The following S100A2 variants were observed in gnomAD, a reference collection of about 807,000 sequenced individuals.
S100A2 encodes protein S100-A2.
Under a neutral mutation model 4.3 loss-of-function variants are expected in S100A2, and 5 were observed. The observed-to-expected ratio is 1.16, with a 90% CI of 0.61 to 2.44. The LOEUF (loss-of-function observed/expected upper bound fraction) is 2.44. Among genes scored for constraint, S100A2 ranks in the 30% most tolerant of loss-of-function variants. The probability of loss-of-function intolerance (pLI) is 0.01; values close to 1 mark genes in which losing one functional copy is unlikely to be tolerated. For synonymous variants in S100A2, 44 were observed against 46.0 expected (o/e 0.96, Z 0.17); for missense variants, 103 against 114.7 (o/e 0.90, Z 0.47).
chr1:153,561,240 G>A lies in S100A2; in HGVS notation c.*199C>T, dbSNP rs1350640642. ...GCTCTGGCCTTGGAGAGATTTCCAG[G>A]AGAGTCAGAGCCCAGAAGGGAGCAG... On this transcript the variant is annotated 3_prime_UTR_variant, in exon 3 of 3. Coordinates refer to ENST00000368708, the MANE Select transcript of S100A2 (RefSeq NM_005978.4). 3 of 546,436 alleles carry A rather than the reference G, an allele frequency of 5.5e-6. No individual in the cohort carries two copies. Among genetic ancestry groups the A allele is most frequent in the Non-Finnish European group, 9.3e-6 (3 of 322,652 alleles). 33.8% of individuals were successfully genotyped at this position (546,436 alleles called of 1,614,324 possible). A position where few individuals can be genotyped will look rare whatever the true frequency, so the allele number is the denominator to read the frequency against.
chr1:153,563,358 G>A (rs1223781709), intron 2 of S100A2: 6 of 1,511,812 alleles, frequency 4.0e-6, no homozygotes, highest in Non-Finnish European at 5.3e-6. Context: ...GGCAACAAGA[G>A]GGAAACTCCA....
At chr1:153,562,309 T>C (rs1388574632) in intron 2 of S100A2, among the ~76,000 whole-genome samples, 1 of 151,558 alleles carries the variant, frequency 6.6e-6, no homozygotes, top group Non-Finnish European at 1.5e-5. Context: ...CCTGGCCAAT[T>C]TTTATTTTTA....
chr1:153,565,178 G>C (rs188085716), intron 1 of S100A2, among the ~76,000 whole-genome samples: 2 of 152,080 alleles, frequency 1.3e-5, no homozygotes, highest in East Asian at 1.9e-4. Context: ...CGGGCATGGT[G>C]GTGGGCGCCT....
intron 1 of S100A2, chr1:153,564,315 TA>T (rs1009195534): frequency 6.4e-6 from 1 of 155,904 alleles, no homozygotes; most frequent in Non-Finnish European, 1.4e-5. Flanking sequence ...GGCTACAGCC[TA>T]GGAGCAGGAA....
At chr1:153,563,981 C>T (rs1665954395) in intron 1 of S100A2, 94 bp from the exon 2 acceptor site, 2 of 1,259,892 alleles carry the variant, frequency 1.6e-6, no homozygotes, top group East Asian at 2.4e-5. Flanking sequence ...CCCCAAGCCA[C>T]CTCACAAAAC....
At chr1:153,565,104 G>A (rs560964061) in intron 1 of S100A2, among the ~76,000 whole-genome samples, 1 of 151,824 alleles carries the variant, frequency 6.6e-6, no homozygotes, top group South Asian at 2.1e-4. Flanking sequence ...GAGATCAGGA[G>A]ATCGAGACCA....
intron 1 of S100A2, chr1:153,564,242 G>T: frequency 5.3e-6 from 1 of 188,884 alleles, no homozygotes; most frequent in Middle Eastern, 2.1e-3. Context: ...GCAGGCTCTG[G>T]GGAGCAGGGC....
chr1:153,561,310 G>A lies in S100A2; in HGVS notation c.*129C>T, dbSNP rs896928055. 44 of 1,182,704 alleles carry A rather than the reference G, an allele frequency of 3.7e-5. No individual in the cohort carries two copies. Among genetic ancestry groups the A allele is most frequent in the East Asian group, 1.7e-4 (7 of 41,322 alleles). The allele number at this position is 1,182,704 out of a possible 1,614,324, so 73.3% of individuals were successfully genotyped here. On this transcript the variant is annotated 3_prime_UTR_variant, in exon 3 of 3. Transcript: ENST00000368708. Reference sequence around the variant, plus strand: ...TCCCAGCACTCCAGCTGAGCCAGCCGGGTTATGGAACATCACTGAGCAATT... The same window carrying A: ...TCCCAGCACTCCAGCTGAGCCAGCCAGGTTATGGAACATCACTGAGCAATT...
At position 153,563,689 on chromosome 1, in the gene S100A2, C is replaced by T. The variant is rs780417334; in HGVS notation, c.144+45G>A. 2.5e-6 allele frequency: 4 copies of T among 1,598,736 alleles called. No individual in the cohort carries two copies. The African/African-American group carries it at 5.4e-5, about 21-fold the overall frequency. On this transcript the variant is annotated intron_variant, in intron 2 of 2. Coordinates refer to ENST00000368708, the MANE Select transcript of S100A2 (RefSeq NM_005978.4). ...CTGGGGGAGAGATTTAACCTGCACC[C>T]CCACACTCACACCAGGACCTCCCCC... is the stretch of plus-strand genomic sequence containing the variant.
intron 2 of S100A2, chr1:153,563,303 C>T: frequency 9.3e-7 from 1 of 1,080,516 alleles, no homozygotes; most frequent in Non-Finnish European, 1.3e-6. Flanking sequence ...CCCCTGGAGG[C>T]AGAGGTTGCA....
intron 2 of S100A2, among the ~76,000 whole-genome samples, chr1:153,562,252 C>T (rs1665910084): frequency 6.6e-6 from 1 of 152,190 alleles, no homozygotes; most frequent in Non-Finnish European, 1.5e-5. Context: ...CTCCTGGGCT[C>T]AAGCAATCCA....
Position 153,561,287 on chromosome 1 carries a change from C to A in S100A2, c.*152G>T. ...GCAGGATCCAGGAGGCCCTCATCTC[C>A]CAGCACTCCAGCTGAGCCAGCCGGG... On this transcript the variant is annotated 3_prime_UTR_variant, in exon 3 of 3. Coordinates refer to ENST00000368708, the MANE Select transcript of S100A2 (RefSeq NM_005978.4). The A allele has an allele frequency of 1.1e-6, 1 of 907,042 alleles. No individual in the cohort carries two copies. The highest frequency in any genetic ancestry group is 1.7e-6 in the Non-Finnish European group (1 of 597,608). The allele number at this position is 907,042 out of a possible 1,614,324, so 56.2% of individuals were successfully genotyped here.
Position 153,561,349 on chromosome 1 carries a change from C to A in S100A2, c.*90G>T. On this transcript the variant is annotated 3_prime_UTR_variant, in exon 3 of 3. Coordinates refer to ENST00000368708, the MANE Select transcript of S100A2 (RefSeq NM_005978.4). The stretch of plus-strand genomic sequence containing the variant: ...CACTGAGCAATTAAAATATTATCAA[C>A]AGACAAAAAAAGTTTATTGAATACA... 1 of 1,466,528 alleles carries A rather than the reference C, an allele frequency of 6.8e-7. No individual in the cohort carries two copies. Among genetic ancestry groups the A allele is most frequent in the Admixed American group, 2.1e-5 (1 of 47,814 alleles). The allele number at this position is 1,466,528 out of a possible 1,614,324, so 90.8% of individuals were successfully genotyped here. A position where few individuals can be genotyped will look rare whatever the true frequency, so the allele number is the denominator to read the frequency against.
chr1:153,561,878 C>T (rs1056899861), intron 2 of S100A2, among the ~76,000 whole-genome samples: 3 of 152,204 alleles, frequency 2.0e-5, no homozygotes, highest in African/African-American at 7.2e-5. Flanking sequence ...AGGAGCCCAG[C>T]GAGGTAGGTA....
chr1:153,561,596 A>G lies in S100A2; in HGVS notation c.145-5T>C, dbSNP rs905533595. ...CCCCTCCTCATCCACTTTCTCCTGA[A>G]AGTGACAGGAAATACACTCATCACC... On this transcript the variant is annotated splice_polypyrimidine_tract_variant and splice_region_variant and intron_variant, in intron 2 of 2. Coordinates refer to ENST00000368708, the MANE Select transcript of S100A2 (RefSeq NM_005978.4). 6.2e-7 allele frequency: 1 copy of G among 1,614,096 alleles called. No individual in the cohort carries two copies. Among genetic ancestry groups the G allele is most frequent in the Admixed American group, 1.7e-5 (1 of 60,018 alleles).
chr1:153,561,524 A>T lies in S100A2; in HGVS notation c.212T>A (p.Val71Glu). ...GSLDENSDQQ[V>E]DFQEYAVFLA... is the part of the protein sequence containing the mutation. ...GAAAACAGCATACTCCTGGAAGTCC[A>T]CCTGCTGGTCACTGTTCTCATCCAG... is the stretch of plus-strand genomic sequence containing the variant. Residue 71 changes from valine (V) to glutamate (E), a missense_variant, in exon 3 of 3, where the codon GTG becomes GAG. Val to Glu is a moderately radical substitution (Grantham distance 121). Transcript: ENST00000368708. 5.0e-6 allele frequency: 8 copies of T among 1,614,170 alleles called. No individual in the cohort carries two copies. Among genetic ancestry groups the T allele is most frequent in the Non-Finnish European group, 6.8e-6 (8 of 1,180,034 alleles).
At chr1:153,562,059 T>C (rs1665906456) in intron 2 of S100A2, among the ~76,000 whole-genome samples, 1 of 152,028 alleles carries the variant, frequency 6.6e-6, no homozygotes, top group African/African-American at 2.4e-5. Context: ...CCTCCTGGGC[T>C]CCAGCAATCC....
chr1:153,563,611 G>A lies in S100A2; in HGVS notation c.144+123C>T, dbSNP rs11488675. The A allele has an allele frequency of 2.1e-3, 3,218 of 1,564,564 alleles. 54 individuals carry two copies. The African/African-American group carries it at 0.04, about 20-fold the overall frequency. ...ACTCCAGTGGAGCCATGAAGCTAAA[G>A]TGGGGAGGGGGCTGGGCCCCACCCT... On this transcript the variant is annotated intron_variant, in intron 2 of 2. Coordinates refer to ENST00000368708, the MANE Select transcript of S100A2 (RefSeq NM_005978.4).
rs1429286875 is a variant in S100A2, at chr1:153,561,144, AG to A, written c.*294del. ...TAATATCTTTATTTGACAAAATAAA[AG>A]TCAGCAACCTATCTCGATTTCCAAT... On this transcript the variant is annotated 3_prime_UTR_variant, in exon 3 of 3. Coordinates refer to ENST00000368708, the MANE Select transcript of S100A2 (RefSeq NM_005978.4). 27 of 273,940 alleles carry A rather than the reference AG, an allele frequency of 9.9e-5. No homozygotes were observed. Among genetic ancestry groups the A allele is most frequent in the Admixed American group, 1.6e-4 (3 of 19,064 alleles). The allele number at this position is 273,940 out of a possible 1,614,324, so 17.0% of individuals were successfully genotyped here. A position where few individuals can be genotyped will look rare whatever the true frequency, so the allele number is the denominator to read the frequency against.
Sources: gnomAD v4.1 joint callset for allele counts (sites outside exome capture counted in the v4.1 genomes callset) on GRCh38, gnomAD v4.1.1 for gene constraint, MANE v1.5 for transcripts, NCBI Gene and HGNC (gene_info 2026-07-23, HGNC 2026-07-21) for gene names.